Variants in SNRPA observed in about 807,000 individuals in gnomAD.
SNRPA encodes the protein U1 small nuclear ribonucleoprotein A.
Under a neutral mutation model 24.5 loss-of-function variants are expected in SNRPA, and 10 were observed. That is an observed-to-expected ratio of 0.41 (90% confidence interval 0.25 to 0.69). The LOEUF (loss-of-function observed/expected upper bound fraction) is 0.69, where lower values mean the gene tolerates loss of function less well. SNRPA is among the 30% of genes least tolerant of loss of function. The pLI is 0.33. For missense variants in SNRPA, 283 were observed against 394.7 expected (o/e 0.72, Z 2.40); for synonymous variants, 165 against 148.4 (o/e 1.11, Z -0.81).
In SNRPA at chr19:40,751,293, A is replaced by T; in HGVS notation, c.-116A>T. ...CTTGCCCCTACTCCCGCCTTACCTG[A>T]CTTCCTTTTCGGAGGAAGATCCTTG... On this transcript the variant is annotated 5_prime_UTR_variant, in exon 1 of 6. Transcript: ENST00000243563. 1.2e-6 allele frequency: 1 copy of T among 807,700 alleles called. No individual in the cohort carries two copies. Among genetic ancestry groups the T allele is most frequent in the Non-Finnish European group, 2.2e-6 (1 of 454,096 alleles). The allele number at this position is 807,700 out of a possible 1,614,324, so 50.0% of individuals were successfully genotyped here.
chr19:40,755,474 G>C (rs990675126), intron 1 of SNRPA, among the ~76,000 whole-genome samples: 3 of 151,858 alleles, frequency 2.0e-5, no homozygotes, highest in African/African-American at 7.3e-5. Context: ...TCCCAGGCTA[G>C]AGTGATCCTC....
rs200242370 is a variant in SNRPA at position 40,761,458 on chromosome 19, C to CTTTTTTTTT, written c.427-1425_427-1417dup. Among the ~76,000 whole-genome samples, 56 of 85,878 alleles carry CTTTTTTTTT rather than the reference C, an allele frequency of 6.5e-4. 2 individuals are homozygous for CTTTTTTTTT. The highest frequency in any genetic ancestry group is 1.6e-3 in the Admixed American group (9 of 5,620). The allele number at this position is 85,878 out of a possible 152,430, so 56.3% of individuals were successfully genotyped here. On this transcript the variant is annotated intron_variant, in intron 3 of 5. Coordinates refer to ENST00000243563, the MANE Select transcript of SNRPA (RefSeq NM_004596.5). ...TCTCTTTTCTTTTCTTTTTCTTTTT[C>CTTTTTTTTT]TTTTTTTTTTTTTTTTTTTTTTTTT...
intron 3 of SNRPA, among the ~76,000 whole-genome samples, chr19:40,761,073 G>C (rs996522274): frequency 6.7e-6 from 1 of 149,846 alleles, no homozygotes; most frequent in African/African-American, 2.5e-5. Flanking sequence ...GTGATCTTCT[G>C]CCTCAGCCTC....
intron 1 of SNRPA, among the ~76,000 whole-genome samples, chr19:40,755,828 G>A (rs1046356741): frequency 6.6e-6 from 1 of 152,190 alleles, no homozygotes. Flanking sequence ...GATGGAATAC[G>A]TGGACTGGGC....
At chr19:40,754,073 T>G (rs1216669241) in intron 1 of SNRPA, among the ~76,000 whole-genome samples, 7 of 148,808 alleles carry the variant, frequency 4.7e-5, no homozygotes, top group Admixed American at 6.9e-5. Flanking sequence ...AGTGCTGGGA[T>G]TACAGGCGTC....
intron 5 of SNRPA, 146 bp from the exon 6 acceptor site, chr19:40,764,862 C>T (rs964930253): frequency 3.0e-6 from 2 of 671,174 alleles, no homozygotes; most frequent in East Asian, 6.3e-5. Context: ...TTAGTACTAT[C>T]TGCATTTTGG....
chr19:40,759,258 C>T (rs2082921179), intron 2 of SNRPA, among the ~76,000 whole-genome samples, 173 bp from the exon 3 acceptor site: 2 of 151,572 alleles, frequency 1.3e-5, no homozygotes, highest in South Asian at 4.2e-4. Flanking sequence ...CCATGTTGGC[C>T]AAGCTGGTCT....
At chr19:40,764,826 C>T (rs1475123524) in intron 5 of SNRPA, among the ~76,000 whole-genome samples, 182 bp from the exon 6 acceptor site, 2 of 152,160 alleles carry the variant, frequency 1.3e-5, no homozygotes, top group African/African-American at 4.8e-5. Context: ...TCATTAAATG[C>T]TATGTTTACA....
intron 5 of SNRPA, 140 bp downstream of exon 5, chr19:40,763,815 AAGG>A (rs1176203214): frequency 5.5e-6 from 4 of 733,734 alleles, no homozygotes; most frequent in South Asian, 4.6e-5. Flanking sequence ...AAAGATGTGA[AAGG>A]AGGAGGCTGT....
At chr19:40,755,261 T>TC (rs1184769652) in intron 1 of SNRPA, among the ~76,000 whole-genome samples, 10 of 116,314 alleles carry the variant, frequency 8.6e-5, no homozygotes, top group Non-Finnish European at 1.4e-4. Context: ...TCTTTTCTTT[T>TC]TTTTTTTTTT....
Position 40,762,846 on chromosome 19 carries a change from C to T in SNRPA, c.427-55C>T. 3 of 1,576,728 alleles carry T rather than the reference C, an allele frequency of 1.9e-6. No homozygotes were observed. The South Asian group carries it at 3.4e-5, about 18-fold the overall frequency. ...CCCGCTAGGTTTCCTTTCATGGCCT[C>T]TTCTCTGCCTCCTGGGGCTGCTGTA... On this transcript the variant is annotated intron_variant, in intron 3 of 5. Coordinates refer to ENST00000243563, the MANE Select transcript of SNRPA (RefSeq NM_004596.5).
chr19:40,763,691 G>A lies in SNRPA; in HGVS notation c.689+16G>A. 1 of 1,606,736 alleles carries A rather than the reference G, an allele frequency of 6.2e-7. No homozygotes were observed. The highest frequency in any genetic ancestry group is 8.5e-7 in the Non-Finnish European group (1 of 1,173,250). Reference sequence around the variant, plus strand: ...TTTTCAATCAGTAAGTGGGGCCTGTGGCTGGGTGGTCCCTGGAGGGTGATG... The same window carrying A: ...TTTTCAATCAGTAAGTGGGGCCTGTAGCTGGGTGGTCCCTGGAGGGTGATG... On this transcript the variant is annotated intron_variant, in intron 5 of 5. Coordinates refer to ENST00000243563, the MANE Select transcript of SNRPA (RefSeq NM_004596.5).
At chr19:40,753,384 G>GTTTTTTTTTTTGTTTTTT (rs2082893032) in intron 1 of SNRPA, among the ~76,000 whole-genome samples, 2 of 38,382 alleles carry the variant, frequency 5.2e-5, no homozygotes, top group African/African-American at 1.1e-4. Context: ...TTTTGCATAT[G>GTTTTTTTTTTTGTTTTTT]TTTTTTTTTT....
intron 1 of SNRPA, among the ~76,000 whole-genome samples, chr19:40,755,904 C>G (rs894087909): frequency 6.6e-6 from 1 of 152,152 alleles, no homozygotes; most frequent in Non-Finnish European, 1.5e-5. Context: ...CCTCTGAGAA[C>G]CTGTTTCCAG....
At chr19:40,756,873 A>C (rs1036737151) in intron 1 of SNRPA, among the ~76,000 whole-genome samples, 1 of 152,134 alleles carries the variant, frequency 6.6e-6, no homozygotes, top group Non-Finnish European at 1.5e-5. Context: ...CCAGGTAAAG[A>C]GAGCAGCCAG....
chr19:40,762,890 T>C lies in SNRPA; in HGVS notation c.427-11T>C. The C allele has an allele frequency of 6.2e-7, 1 of 1,612,648 alleles. No individual in the cohort carries two copies. ...TGCTGTAACCACGCACTCTCCTCCC[T>C]CTCTCCACAGGGCATGCCGCCGATG... On this transcript the variant is annotated splice_polypyrimidine_tract_variant and intron_variant, in intron 3 of 5. Coordinates refer to ENST00000243563, the MANE Select transcript of SNRPA (RefSeq NM_004596.5).
intron 3 of SNRPA, 122 bp from the exon 4 acceptor site, chr19:40,762,779 C>G: frequency 1.0e-6 from 1 of 966,282 alleles, no homozygotes. Flanking sequence ...TCTTTGGGTG[C>G]CTTTTGCGCC....
chr19:40,754,962 T>A (rs1361561108), intron 1 of SNRPA, among the ~76,000 whole-genome samples: 1 of 152,130 alleles, frequency 6.6e-6, no homozygotes, highest in East Asian at 1.9e-4. Context: ...ACCAGGAGAA[T>A]TTTTGACTAA....
intron 1 of SNRPA, among the ~76,000 whole-genome samples, chr19:40,756,813 A>T (rs1238228322): frequency 6.6e-6 from 1 of 152,140 alleles, no homozygotes; most frequent in African/African-American, 2.4e-5. Context: ...TTCCTCTGAG[A>T]CTGGGTGACT....
Sources: gnomAD v4.1 joint callset for allele counts (sites outside exome capture counted in the v4.1 genomes callset) on GRCh38, gnomAD v4.1.1 for gene constraint, MANE v1.5 for transcripts, NCBI Gene and HGNC (gene_info 2026-07-23, HGNC 2026-07-21) for gene names.